TMEM260: variants seen among roughly 807,000 people sequenced by gnomAD.
TMEM260 encodes the protein transmembrane protein 260.
In TMEM260, 82 loss-of-function variants were observed where a neutral mutation model predicts 88.9. The ratio of observed to expected loss-of-function variants is 0.92; its 90% CI spans 0.77 to 1.11. The LOEUF is 1.11. Among genes scored for constraint, TMEM260 ranks in the 50% least tolerant of loss-of-function variants. TMEM260 has a pLI of 0.00. For synonymous variants in TMEM260, 314 were observed against 309.3 expected (o/e 1.02, Z -0.16); for missense variants, 902 against 853.4 (o/e 1.06, Z -0.71).
chr14:56,634,010 ACT>A (rs1170541373), intron 13 of TMEM260, among the ~76,000 whole-genome samples: 1 of 152,184 alleles, frequency 6.6e-6, no homozygotes, highest in African/African-American at 2.4e-5. Context: ...TGATCAAAAC[ACT>A]CTGCAGCCGT....
intron 3 of TMEM260, among the ~76,000 whole-genome samples, chr14:56,591,453 C>T (rs979969037): frequency 3.3e-5 from 5 of 152,178 alleles, no homozygotes; most frequent in Non-Finnish European, 5.9e-5. Flanking sequence ...GCCTTGACTT[C>T]CTATACTTTT....
At chr14:56,605,735 T>G in intron 5 of TMEM260, 52 bp downstream of exon 5, 1 of 1,113,248 alleles carries the variant, frequency 9.0e-7, no homozygotes. Flanking sequence ...TTAGGTCTAA[T>G]ATAACATTTT....
At chr14:56,606,664 G>C (rs921473671) in intron 5 of TMEM260, among the ~76,000 whole-genome samples, 14 of 152,188 alleles carry the variant, frequency 9.2e-5, no homozygotes, top group African/African-American at 3.4e-4. Context: ...GGCCAAGGCA[G>C]GCGGATTGCC....
chr14:56,630,068 G>A (rs1888489706), intron 12 of TMEM260, among the ~76,000 whole-genome samples: 1 of 151,298 alleles, frequency 6.6e-6, no homozygotes, highest in Non-Finnish European at 1.5e-5. Context: ...AAAAAAAAAA[G>A]TAAGTTAATT....
intron 3 of TMEM260, among the ~76,000 whole-genome samples, chr14:56,600,861 T>G (rs1886531350): frequency 6.6e-6 from 1 of 152,224 alleles, no homozygotes; most frequent in Non-Finnish European, 1.5e-5. Flanking sequence ...TTAGATTTGA[T>G]TTCCATTACT....
Position 56,633,157 on chromosome 14 carries a change from C to G in TMEM260, c.1710C>G (p.Thr570=), listed in dbSNP as rs781704888. Residue 570 remains threonine, a synonymous_variant, in exon 13 of 16, where the codon ACC becomes ACG. Coordinates refer to ENST00000261556, the MANE Select transcript of TMEM260 (RefSeq NM_017799.4). Reference sequence around the variant, plus strand: ...TTACAAAAAGTATCTATAACTGGACCGAAGAATATGGAAGGTATGAACAGC... The same window carrying G: ...TTACAAAAAGTATCTATAACTGGACGGAAGAATATGGAAGGTATGAACAGC... The part of the protein sequence containing the change: ...IKLTKSIYNW[T]EEYGRFDPSS... The G allele has an allele frequency of 4.0e-5, 65 of 1,611,282 alleles. No individual in the cohort carries two copies. The highest frequency in any genetic ancestry group is 5.4e-5 in the Non-Finnish European group (64 of 1,178,804).
chr14:56,650,773 A>G (rs1324560223), downstream of TMEM260, among the ~76,000 whole-genome samples: 1 of 152,156 alleles, frequency 6.6e-6, no homozygotes, highest in Non-Finnish European at 1.5e-5. Flanking sequence ...TTTATGTTTT[A>G]AAAGTGAAAT....
Position 56,647,228 on chromosome 14 carries a change from TCTG to T in TMEM260, c.1870-11_1870-9del. The T allele has an allele frequency of 6.3e-7, 1 of 1,585,904 alleles. No homozygotes were observed. The highest frequency in any genetic ancestry group is 1.1e-5 in the South Asian group (1 of 86,994). The stretch of plus-strand genomic sequence containing the variant: ...AGAATAACAATGGAATACCAACATT[TCTG>T]CTGTTTTCTAGCTTTATAAGGAGAT... On this transcript the variant is annotated splice_polypyrimidine_tract_variant and intron_variant, in intron 15 of 15. Coordinates refer to ENST00000261556, the MANE Select transcript of TMEM260 (RefSeq NM_017799.4).
chr14:56,659,591 C>T, the TMEM260 span, among the ~76,000 whole-genome samples: 14 of 152,056 alleles, frequency 9.2e-5, no homozygotes, highest in African/African-American at 2.9e-4. Context: ...CCGGAGAGGC[C>T]GATGGGATTA....
At chr14:56,584,694 T>C (rs938571427) in intron 1 of TMEM260, among the ~76,000 whole-genome samples, 4 of 152,132 alleles carry the variant, frequency 2.6e-5, no homozygotes, top group African/African-American at 9.7e-5. Flanking sequence ...ACACTAATGC[T>C]CCAACAGTAT....
At chr14:56,618,793 G>A (rs1887739618) in intron 10 of TMEM260, 30 bp downstream of exon 10, 1 of 1,598,350 alleles carries the variant, frequency 6.3e-7, no homozygotes, top group East Asian at 2.2e-5. Flanking sequence ...ATGAAAAGTA[G>A]CTGTCAAGCC....
intron 15 of TMEM260, among the ~76,000 whole-genome samples, chr14:56,639,254 CAGGGTAACTACAGCCAACA>C (rs1000013854): frequency 1.4e-5 from 2 of 138,584 alleles, no homozygotes; most frequent in African/African-American, 2.9e-5. Context: ...TACAGCCAAC[CAGGGTAACTACAGCCAACA>C]ACATTATGAT....
chr14:56,611,594 T>C (rs112252706), intron 6 of TMEM260, among the ~76,000 whole-genome samples: 1,975 of 152,150 alleles, frequency 0.013, 55 homozygotes, highest in East Asian at 0.1. Context: ...CTGGTGGGAG[T>C]GTAAATTAGT....
the TMEM260 span, among the ~76,000 whole-genome samples, chr14:56,657,308 T>TA: frequency 0.011 from 1,627 of 147,166 alleles, 37 homozygotes; most frequent in African/African-American, 0.041. Context: ...TCACTTTTTT[T>TA]TTTACTTTTT....
At chr14:56,654,330 A>G (rs1282977640), downstream of TMEM260, among the ~76,000 whole-genome samples, 4 of 152,198 alleles carry the variant, frequency 2.6e-5, no homozygotes, top group Non-Finnish European at 5.9e-5. Context: ...TAGAAGCTCA[A>G]TTTGAAAAAT....
At chr14:56,600,160 A>G (rs767756382) in intron 3 of TMEM260, among the ~76,000 whole-genome samples, 8 of 152,228 alleles carry the variant, frequency 5.3e-5, no homozygotes, top group Non-Finnish European at 8.8e-5. Flanking sequence ...TATCACATAT[A>G]GATTATTGTA....
chr14:56,643,772 G>A (rs1305331596), intron 15 of TMEM260, among the ~76,000 whole-genome samples: 2 of 152,196 alleles, frequency 1.3e-5, no homozygotes, highest in East Asian at 3.9e-4. Context: ...CACTGTCTCA[G>A]CCCAAAATCT....
the TMEM260 span, among the ~76,000 whole-genome samples, chr14:56,660,902 G>T: frequency 6.6e-6 from 1 of 152,116 alleles, no homozygotes; most frequent in African/African-American, 2.4e-5. Flanking sequence ...GTTCCACTTA[G>T]TTTAAAAACC....
In TMEM260 at chr14:56,633,049, G is replaced by C. The variant is rs1386677305; in HGVS notation, c.1602G>C (p.Lys534Asn). Reference sequence around the variant, plus strand: ...ATGAAGGCGACCCAACCTGGAAAAAGAACTATTCACTTTGGCCATGGGGGT... The same window carrying C: ...ATGAAGGCGACCCAACCTGGAAAAACAACTATTCACTTTGGCCATGGGGGT... ...GIHEGDPTWKKNYSLWPWGSC... is the reference protein window; with the variant it reads ...GIHEGDPTWKNNYSLWPWGSC... Residue 534 changes from lysine to asparagine, a missense_variant, in exon 13 of 16, where the codon AAG becomes AAC. Lys to Asn is a moderately conservative substitution (Grantham distance 94, BLOSUM62 0). Coordinates refer to ENST00000261556, the MANE Select transcript of TMEM260 (RefSeq NM_017799.4). The C allele has an allele frequency of 6.2e-7, 1 of 1,613,852 alleles. No homozygotes were observed. The highest frequency in any genetic ancestry group is 2.2e-5 in the East Asian group (1 of 44,810).
Sources: gnomAD v4.1 joint callset for allele counts (sites outside exome capture counted in the v4.1 genomes callset) on GRCh38, gnomAD v4.1.1 for gene constraint, MANE v1.5 for transcripts, NCBI Gene and HGNC (gene_info 2026-07-23, HGNC 2026-07-21) for gene names.